The following NETO1 variants were observed in gnomAD, a reference collection of about 807,000 sequenced individuals.
The protein encoded by NETO1 is neuropilin and tolloid-like protein 1.
Under a neutral mutation model 61.3 loss-of-function variants are expected in NETO1, and 26 were observed. That is an observed-to-expected ratio of 0.42 (90% CI 0.31 to 0.59). NETO1 has a LOEUF of 0.59. NETO1 is among the 20% of genes least tolerant of loss of function. The pLI is 0.12. For synonymous variants in NETO1, 225 were observed against 225.8 expected (o/e 1.00, Z 0.03); for missense variants, 531 against 662.8 (o/e 0.80, Z 2.18).
rs1364128861 is a variant in NETO1, at chr18:72,867,363, G to T, written c.-72C>A. ...GAGACGGGAAGACTTCCAGTGGCGG[G>T]GGGAGGACAGGGTCGAGAGGTGTTA... is the stretch of plus-strand genomic sequence containing the variant. On this transcript the variant is annotated 5_prime_UTR_variant, in exon 1 of 11. Transcript: ENST00000327305. 3.1e-6 allele frequency: 4 copies of T among 1,309,682 alleles called. No individual in the cohort carries two copies. The highest frequency in any genetic ancestry group is 4.2e-6 in the Non-Finnish European group (4 of 950,330). 81.1% of individuals were successfully genotyped at this position (1,309,682 alleles called of 1,614,324 possible).
chr18:72,748,098 C>T lies in NETO1; in HGVS notation c.*81G>A. 1.0e-6 allele frequency: 1 copy of T among 952,986 alleles called. No individual in the cohort carries two copies. Among genetic ancestry groups the T allele is most frequent in the Non-Finnish European group, 1.3e-6 (1 of 800,002 alleles). The allele number at this position is 952,986 out of a possible 1,614,324, so 59.0% of individuals were successfully genotyped here. A position where few individuals can be genotyped will look rare whatever the true frequency, so the allele number is the denominator to read the frequency against. On this transcript the variant is annotated 3_prime_UTR_variant, in exon 11 of 11. Transcript: ENST00000327305. ...CAGTGGAATGAATTTAGAAATATGT[C>T]CACTTTTCACAATTCACTATAGAAT...
In NETO1 at chr18:72,744,418, G is replaced by A. The variant is rs1303271935; in HGVS notation, c.*3761C>T. 1 of 152,052 alleles carries A rather than the reference G, an allele frequency of 6.6e-6. No individual in the cohort carries two copies. Among genetic ancestry groups the A allele is most frequent in the East Asian group, 1.9e-4 (1 of 5,182 alleles). The allele number at this position is 152,052 out of a possible 1,614,324, so 9.4% of individuals were successfully genotyped here. ...CTACCTTATTACACCTTTAAGATGG[G>A]CTTGGGAAATATTAATTAAGTGCAT... On this transcript the variant is annotated 3_prime_UTR_variant, in exon 11 of 11. Transcript: ENST00000327305.
At chr18:72,816,239 C>T (rs764986867) in intron 4 of NETO1, among the ~76,000 whole-genome samples, 1 of 152,124 alleles carries the variant, frequency 6.6e-6, no homozygotes, top group Non-Finnish European at 1.5e-5. Context: ...CTGTAAAATA[C>T]TTTGTTACAG....
chr18:72,756,177 G>T (rs1460381214), intron 7 of NETO1, 30 bp from the exon 8 acceptor site: 7 of 1,122,752 alleles, frequency 6.2e-6, no homozygotes, highest in Non-Finnish European at 9.5e-6. Flanking sequence ...GACAAAGGAG[G>T]AAAGTTATAA....
chr18:72,793,008 C>A (rs2072178649), intron 6 of NETO1, among the ~76,000 whole-genome samples: 1 of 152,154 alleles, frequency 6.6e-6, no homozygotes, highest in Non-Finnish European at 1.5e-5. Flanking sequence ...GGTCTTTTCT[C>A]TCTCTCTGTT....
chr18:72,776,366 T>C (rs979755500), intron 7 of NETO1, among the ~76,000 whole-genome samples: 4 of 152,228 alleles, frequency 2.6e-5, no homozygotes, highest in African/African-American at 9.6e-5. Flanking sequence ...CCCACAAGGT[T>C]ACCCCTCTCA....
chr18:72,810,041 T>C (rs775061118), intron 4 of NETO1, among the ~76,000 whole-genome samples: 1 of 152,218 alleles, frequency 6.6e-6, no homozygotes, highest in Non-Finnish European at 1.5e-5. Flanking sequence ...TAAAACATTG[T>C]GTCTAATGTC....
intron 6 of NETO1, among the ~76,000 whole-genome samples, chr18:72,788,543 T>G (rs1032026342): frequency 2.6e-5 from 4 of 151,928 alleles, no homozygotes; most frequent in African/African-American, 9.7e-5. Flanking sequence ...TACAGAAAGC[T>G]CTTTAGTCAC....
At chr18:72,865,334 A>G in intron 1 of NETO1, 93 bp from the exon 2 acceptor site, 1 of 1,243,726 alleles carries the variant, frequency 8.0e-7, no homozygotes, top group Non-Finnish European at 1.1e-6. Flanking sequence ...ATAATATCAA[A>G]GCAGATTAAT....
intron 8 of NETO1, among the ~76,000 whole-genome samples, chr18:72,754,607 C>T (rs746743198): frequency 2.3e-4 from 35 of 151,950 alleles, no homozygotes; most frequent in Admixed American, 7.2e-4. Flanking sequence ...GTGATAAAAG[C>T]GTCATGAGGA....
chr18:72,850,500 G>T (rs184839752), intron 4 of NETO1, among the ~76,000 whole-genome samples: 18 of 152,262 alleles, frequency 1.2e-4, no homozygotes, highest in Admixed American at 3.3e-4. Context: ...CAAATTGTCT[G>T]CAAATTGTTA....
At chr18:72,866,862 G>T in intron 1 of NETO1, 4 of 918,594 alleles carry the variant, frequency 4.4e-6, no homozygotes, top group Non-Finnish European at 5.3e-6. Flanking sequence ...GCGAACAGGG[G>T]CCCGCCGAGC....
chr18:72,778,762 A>T (rs1222413037), intron 7 of NETO1, among the ~76,000 whole-genome samples: 1 of 152,146 alleles, frequency 6.6e-6, no homozygotes, highest in Non-Finnish European at 1.5e-5. Context: ...CTGAGCCCAG[A>T]CCAGGATCAG....
Position 72,748,166 on chromosome 18 carries a change from T to C in NETO1, c.*15-2A>G. On this transcript the variant is annotated splice_acceptor_variant, in intron 10 of 10. Coordinates refer to ENST00000327305, the MANE Select transcript of NETO1 (RefSeq NM_138966.5). LOFTEE classifies it low-confidence loss of function (3UTR_SPLICE). ...CATGTTTGTATAAATAGTTCTTCTC[T>C]GAAAATAAAAAACAGTTAAAACATT... 1 of 982,618 alleles carries C rather than the reference T, an allele frequency of 1.0e-6. No homozygotes were observed. Among genetic ancestry groups the C allele is most frequent in the Non-Finnish European group, 1.2e-6 (1 of 826,960 alleles). 60.9% of individuals were successfully genotyped at this position (982,618 alleles called of 1,614,324 possible).
chr18:72,807,448 C>T (rs17086332), intron 4 of NETO1, among the ~76,000 whole-genome samples: 2,051 of 152,030 alleles, frequency 0.013, 42 homozygotes, highest in African/African-American at 0.044. Context: ...TTGAAGTTTC[C>T]TCATGGTGCG....
intron 7 of NETO1, among the ~76,000 whole-genome samples, chr18:72,758,051 G>A (rs902939343): frequency 1.1e-4 from 9 of 84,922 alleles, no homozygotes; most frequent in African/African-American, 4.4e-4. Context: ...TATTAAATAG[G>A]AAGGGGTAGT....
chr18:72,804,127 T>C (rs375008374), intron 4 of NETO1, among the ~76,000 whole-genome samples: 5 of 152,138 alleles, frequency 3.3e-5, no homozygotes, highest in East Asian at 3.8e-4. Flanking sequence ...ACTTAATAAA[T>C]AGCTATTTAA....
intron 4 of NETO1, among the ~76,000 whole-genome samples, chr18:72,806,621 A>T (rs573929168): frequency 6.6e-6 from 1 of 152,278 alleles, no homozygotes; most frequent in Admixed American, 6.5e-5. Context: ...ACCTTCTATT[A>T]TCTACAACCT....
intron 4 of NETO1, among the ~76,000 whole-genome samples, chr18:72,820,347 A>C (rs2145287998): frequency 6.6e-6 from 1 of 152,362 alleles, no homozygotes; most frequent in East Asian, 1.9e-4. Flanking sequence ...AGAGATTCAC[A>C]TGTTGGAAAC....
Sources: allele counts gnomAD v4.1 joint callset (sites outside exome capture counted in the v4.1 genomes callset), GRCh38; gene constraint gnomAD v4.1.1; transcripts MANE v1.5; gene names NCBI Gene and HGNC (gene_info 2026-07-23, HGNC 2026-07-21).